DLG2: variants seen among roughly 807,000 people sequenced by gnomAD.
The protein encoded by DLG2 is disks large homolog 2.
A neutral mutation model predicts 132.5 loss-of-function variants in DLG2; 45 were observed. The observed-to-expected ratio is 0.34, with a 90% CI of 0.27 to 0.44. The LOEUF (loss-of-function observed/expected upper bound fraction) is 0.44. Among genes scored for constraint, DLG2 ranks in the 20% least tolerant of loss-of-function variants. The pLI, the probability that DLG2 is intolerant of heterozygous loss-of-function variation, is 1.00. For synonymous variants in DLG2, 424 were observed against 419.6 expected (o/e 1.01, Z -0.13); for missense variants, 1,045 against 1,196.9 (o/e 0.87, Z 1.87).
At chr11:84,827,042 C>T (rs895404302) in intron 6 of DLG2, among the ~76,000 whole-genome samples, 1 of 151,692 alleles carries the variant, frequency 6.6e-6, no homozygotes, top group African/African-American at 2.4e-5. Flanking sequence ...ATAGCTGGCA[C>T]TGTGGTGTGG....
chr11:85,246,700 T>G (rs2076150329), intron 4 of DLG2, among the ~76,000 whole-genome samples: 1 of 152,084 alleles, frequency 6.6e-6, no homozygotes, highest in Admixed American at 6.6e-5. Flanking sequence ...TATTTATTAG[T>G]AGTCATATAA....
chr11:85,191,162 GCACACACACACACA>G (rs3067460), intron 4 of DLG2, among the ~76,000 whole-genome samples: 58 of 139,924 alleles, frequency 4.1e-4, no homozygotes, highest in Middle Eastern at 3.8e-3. Flanking sequence ...GCGCACGCGC[GCACACACACACACA>G]CACACACACA....
intron 6 of DLG2, among the ~76,000 whole-genome samples, chr11:84,566,215 G>A (rs2099454871): frequency 1.3e-5 from 2 of 151,880 alleles, no homozygotes; most frequent in African/African-American, 2.4e-5. Context: ...CACCCTCCTC[G>A]GCATCCCAAA....
At chr11:85,499,667 C>A (rs2093750875) in intron 3 of DLG2, among the ~76,000 whole-genome samples, 1 of 152,168 alleles carries the variant, frequency 6.6e-6, no homozygotes, top group Non-Finnish European at 1.5e-5. Flanking sequence ...AGACCAATAA[C>A]CCTGATGAAT....
At chr11:83,589,807 A>C (rs1344485838) in intron 19 of DLG2, among the ~76,000 whole-genome samples, 3 of 146,708 alleles carry the variant, frequency 2.0e-5, no homozygotes, top group African/African-American at 5.1e-5. Context: ...TCTACCAAGC[A>C]AATGGAAAAC....
chr11:85,604,692 A>G (rs978184277), intron 2 of DLG2, among the ~76,000 whole-genome samples: 2 of 151,862 alleles, frequency 1.3e-5, no homozygotes, highest in Non-Finnish European at 2.9e-5. Flanking sequence ...AATGGGGGGG[A>G]AGGGAGAATC....
intron 7 of DLG2, among the ~76,000 whole-genome samples, chr11:84,302,449 G>T (rs2098166331): frequency 6.6e-6 from 1 of 152,054 alleles, no homozygotes; most frequent in African/African-American, 2.4e-5. Context: ...TTTTTAAAAA[G>T]AAGTTATATT....
intron 15 of DLG2, among the ~76,000 whole-genome samples, chr11:83,874,766 A>G (rs1441211999): frequency 6.6e-6 from 1 of 152,168 alleles, no homozygotes; most frequent in African/African-American, 2.4e-5. Context: ...AAAGAAATAC[A>G]GTAGAGATTA....
At chr11:84,337,823 G>T (rs2098494461) in intron 7 of DLG2, among the ~76,000 whole-genome samples, 1 of 152,056 alleles carries the variant, frequency 6.6e-6, no homozygotes, top group Admixed American at 6.5e-5. Context: ...AGAAATGAAG[G>T]AAAGTTTCTC....
At chr11:85,216,700 C>CA (rs1433855650) in intron 4 of DLG2, among the ~76,000 whole-genome samples, 1 of 149,196 alleles carries the variant, frequency 6.7e-6, no homozygotes, top group African/African-American at 2.5e-5. Flanking sequence ...GTTAAAATAC[C>CA]TTTTTTTTTT....
intron 6 of DLG2, among the ~76,000 whole-genome samples, chr11:84,884,481 G>A (rs746792595): frequency 6.6e-6 from 1 of 152,122 alleles, no homozygotes; most frequent in South Asian, 2.1e-4. Context: ...AGCATCCTCA[G>A]ATCTATTTAA....
intron 18 of DLG2, among the ~76,000 whole-genome samples, chr11:83,653,848 G>A (rs906525086): frequency 4.0e-5 from 6 of 151,376 alleles, no homozygotes; most frequent in African/African-American, 1.2e-4. Context: ...CCAGCCTCCC[G>A]AGTAGCTGGT....
intron 19 of DLG2, among the ~76,000 whole-genome samples, chr11:83,565,739 A>G (rs1271270337): frequency 6.6e-6 from 1 of 152,238 alleles, no homozygotes; most frequent in African/African-American, 2.4e-5. Context: ...GATTTTGAAG[A>G]GGACATCTTA....
At chr11:85,398,385 A>G (rs2087638354) in intron 3 of DLG2, among the ~76,000 whole-genome samples, 1 of 152,184 alleles carries the variant, frequency 6.6e-6, no homozygotes, top group African/African-American at 2.4e-5. Flanking sequence ...AAGCTGGAGC[A>G]AACACATTCA....
rs182322764 is a variant in DLG2 at position 84,593,803 on chromosome 11, A to C, written c.358-59072T>G. On this transcript the variant is annotated intron_variant, in intron 6 of 27. Coordinates refer to ENST00000376104, the MANE Select transcript of DLG2 (RefSeq NM_001142699.3). ...CCAGAACTTAAAGTATTATAATTTA[A>C]AAAAAGAAAAAGAAAAAAGAGATTC... Among the ~76,000 whole-genome samples, 468 of 152,326 alleles carry C rather than the reference A, an allele frequency of 3.1e-3. 3 individuals are homozygous for C. The highest frequency in any genetic ancestry group is 0.011 in the African/African-American group (438 of 41,572).
chr11:85,527,514 AAGG>A (rs1244550489), intron 3 of DLG2, among the ~76,000 whole-genome samples: 1 of 152,124 alleles, frequency 6.6e-6, no homozygotes, highest in Non-Finnish European at 1.5e-5. Context: ...TGTCCCTGCA[AAGG>A]ACATGCACTC....
At chr11:84,659,807 A>G (rs1170741596) in intron 6 of DLG2, among the ~76,000 whole-genome samples, 1 of 152,126 alleles carries the variant, frequency 6.6e-6, no homozygotes, top group East Asian at 1.9e-4. Context: ...TTTATCATTC[A>G]CTAGAAAGAC....
At chr11:85,263,382 G>A (rs548452570) in intron 4 of DLG2, among the ~76,000 whole-genome samples, 4 of 152,332 alleles carry the variant, frequency 2.6e-5, no homozygotes, top group African/African-American at 7.2e-5. Flanking sequence ...CAAAACGCAT[G>A]TGAGTTTGCC....
intron 3 of DLG2, among the ~76,000 whole-genome samples, chr11:85,515,217 G>A (rs892866320): frequency 2.0e-4 from 31 of 152,012 alleles, no homozygotes; most frequent in African/African-American, 6.0e-4. Flanking sequence ...TTCAGTGTAC[G>A]CCTAGATTAT....
Sources: gnomAD v4.1 joint callset for allele counts (sites outside exome capture counted in the v4.1 genomes callset) on GRCh38, gnomAD v4.1.1 for gene constraint, MANE v1.5 for transcripts, NCBI Gene and HGNC (gene_info 2026-07-23, HGNC 2026-07-21) for gene names.